The following MYH15 variants were observed in gnomAD, a reference collection of about 807,000 sequenced individuals.
MYH15 encodes the protein myosin-15.
MYH15 carries 227 observed loss-of-function variants against 240.5 expected under a neutral mutation model. The observed-to-expected ratio is 0.94, with a 90% CI of 0.85 to 1.05. The LOEUF (loss-of-function observed/expected upper bound fraction) is 1.05, where lower values mean the gene tolerates loss of function less well. MYH15 is among the 50% of genes least tolerant of loss of function. MYH15 has a pLI of 0.00. For missense variants in MYH15, 2,217 were observed against 2,247.5 expected (o/e 0.99, Z 0.27); for synonymous variants, 785 against 796.7 (o/e 0.99, Z 0.25).
intron 9 of MYH15, among the ~76,000 whole-genome samples, chr3:108,492,070 A>G (rs1439112783): frequency 1.3e-5 from 2 of 151,980 alleles, no homozygotes; most frequent in African/African-American, 2.4e-5. Context: ...GTGAAACCCC[A>G]TCTCTATTAA....
upstream of MYH15, among the ~76,000 whole-genome samples, chr3:108,515,159 C>G (rs1312236079): frequency 6.6e-6 from 1 of 152,160 alleles, no homozygotes; most frequent in Non-Finnish European, 1.5e-5. Context: ...AACCAGGCTT[C>G]AGTATCTGAT....
At chr3:108,507,600 C>T (rs1467586686) in intron 1 of MYH15, among the ~76,000 whole-genome samples, 1 of 152,132 alleles carries the variant, frequency 6.6e-6, no homozygotes. Flanking sequence ...TTTGCCCCTT[C>T]TTCCACCATG....
At chr3:108,436,258 G>T (rs1445840668) in intron 25 of MYH15, among the ~76,000 whole-genome samples, 1 of 152,072 alleles carries the variant, frequency 6.6e-6, no homozygotes, top group Non-Finnish European at 1.5e-5. Context: ...ACACTTTGCT[G>T]GTTATCATTT....
chr3:108,508,222 G>T (rs2083493316), intron 1 of MYH15, among the ~76,000 whole-genome samples: 1 of 152,144 alleles, frequency 6.6e-6, no homozygotes, highest in African/African-American at 2.4e-5. Context: ...CCTGCCTCAT[G>T]ATGAAGTCTC....
intron 9 of MYH15, among the ~76,000 whole-genome samples, chr3:108,486,884 T>C (rs1400647331): frequency 6.6e-6 from 1 of 152,214 alleles, no homozygotes; most frequent in Non-Finnish European, 1.5e-5. Flanking sequence ...GGCCTAGATT[T>C]ATGACTGAGG....
Position 108,470,075 on chromosome 3 carries a change from C to T in MYH15, c.1521G>A (p.Leu507=). The stretch of plus-strand genomic sequence containing the variant: ...TGAGATCTATGCAAGCTTGCAAATC[C>T]AGACCAAAGCCAATAGACACCCATT... ...SIEWVSIGFG[L]DLQACIDLIE... The change falls in exon 14 of 41, where the codon CTG becomes CTA. Residue 507 remains leucine, a synonymous_variant. Coordinates refer to ENST00000693548, the MANE Select transcript of MYH15 (RefSeq NM_014981.3). The T allele has an allele frequency of 6.2e-7, 1 of 1,608,268 alleles. No homozygotes were observed. The highest frequency in any genetic ancestry group is 8.5e-7 in the Non-Finnish European group (1 of 1,178,068).
In MYH15 at chr3:108,494,052, T is replaced by C. The variant is rs189696315; in HGVS notation, c.712-875A>G. Among the ~76,000 whole-genome samples, 210 of 152,278 alleles carry C rather than the reference T, an allele frequency of 1.4e-3. 1 individual carries two copies. Among genetic ancestry groups the C allele is most frequent in the Middle Eastern group, 0.014 (4 of 294 alleles). ...CAGCTGAGGAGGTGGCACCATCTGG[T>C]GGCAGCTAGAGCCTGTGGGATCAGG... On this transcript the variant is annotated intron_variant, in intron 7 of 40. Transcript: ENST00000693548.
chr3:108,512,787 C>A (rs1253073043), upstream of MYH15, among the ~76,000 whole-genome samples: 1 of 152,112 alleles, frequency 6.6e-6, no homozygotes, highest in Non-Finnish European at 1.5e-5. Context: ...CCTTCCAAGT[C>A]TGGAGCATTT....
intron 31 of MYH15, among the ~76,000 whole-genome samples, chr3:108,408,610 A>C (rs933768505): frequency 1.3e-5 from 2 of 152,194 alleles, no homozygotes; most frequent in African/African-American, 2.4e-5. Context: ...AAAATTGAAA[A>C]TTGTCTACAA....
intron 1 of MYH15, among the ~76,000 whole-genome samples, chr3:108,517,184 T>C (rs114583301): frequency 2.2e-4 from 34 of 152,338 alleles, no homozygotes; most frequent in Non-Finnish European, 3.4e-4. Flanking sequence ...TTTTGCTCCC[T>C]CTTTTCACTA....
At chr3:108,535,809 GACAAA>G in the MYH15 span, among the ~76,000 whole-genome samples, 3 of 152,122 alleles carry the variant, frequency 2.0e-5, no homozygotes, top group Non-Finnish European at 4.4e-5. Flanking sequence ...CCCCCCAAAA[GACAAA>G]ACAAACAAAA....
rs372218284 is a variant in MYH15 at position 108,416,918 on chromosome 3, C to A, written c.3842G>T (p.Arg1281Leu). The change falls in exon 29 of 41, where the codon CGG becomes CTG. Residue 1281 changes from arginine to leucine, a missense_variant. Coordinates refer to ENST00000693548, the MANE Select transcript of MYH15 (RefSeq NM_014981.3). ...KLWSESGEFL[R>L]RLEEKEALIN... is the part of the protein sequence containing the mutation. ...CAGAGCCTCCTTCTCTTCAAGCCTC[C>A]GTAGGAACTCGCCTACAGAAAGATT... 2 of 1,611,796 alleles carry A rather than the reference C, an allele frequency of 1.2e-6. No individual in the cohort carries two copies. The highest frequency in any genetic ancestry group is 2.2e-5 in the South Asian group (2 of 90,942).
intron 28 of MYH15, among the ~76,000 whole-genome samples, chr3:108,419,048 G>C (rs115025565): frequency 1.3e-5 from 2 of 152,028 alleles, no homozygotes; most frequent in South Asian, 2.1e-4. Flanking sequence ...CCACTCTGCT[G>C]GTCCAAAAAC....
intron 31 of MYH15, 36 bp downstream of exon 31, chr3:108,410,547 C>A (rs761041956): frequency 2.0e-6 from 3 of 1,468,222 alleles, no homozygotes; most frequent in South Asian, 2.8e-5. Context: ...CTGAGCTACC[C>A]GCTCTGGCTT....
chr3:108,497,093 G>A (rs757533286), intron 6 of MYH15, among the ~76,000 whole-genome samples: 11 of 148,444 alleles, frequency 7.4e-5, no homozygotes, highest in South Asian at 6.4e-4. Flanking sequence ...CCCAGGAGGC[G>A]GAGGTTGCAG....
chr3:108,437,183 C>CA (rs1475176845), intron 25 of MYH15, among the ~76,000 whole-genome samples: 1 of 103,540 alleles, frequency 9.7e-6, no homozygotes, highest in African/African-American at 3.5e-5. Flanking sequence ...ACATCAGGAT[C>CA]AATTTTTTTT....
chr3:108,395,203 G>A (rs4588370), intron 35 of MYH15, among the ~76,000 whole-genome samples: 108,797 of 151,562 alleles, frequency 0.72, 39,417 homozygotes, highest in Middle Eastern at 0.78. Flanking sequence ...TGGGAGGCGG[G>A]GGTTGCAGTG....
intron 14 of MYH15, among the ~76,000 whole-genome samples, chr3:108,469,468 G>A (rs1268923065): frequency 6.6e-6 from 1 of 152,128 alleles, no homozygotes; most frequent in African/African-American, 2.4e-5. Context: ...TCAGAGTATT[G>A]GGACATCACC....
the MYH15 span, among the ~76,000 whole-genome samples, chr3:108,537,687 C>T: frequency 9.2e-5 from 14 of 152,136 alleles, no homozygotes; most frequent in Admixed American, 3.3e-4. Flanking sequence ...CAAATTACCT[C>T]GTCTGTTTTG....
Sources: allele counts gnomAD v4.1 joint callset (sites outside exome capture counted in the v4.1 genomes callset), GRCh38; gene constraint gnomAD v4.1.1; transcripts MANE v1.5; gene names NCBI Gene and HGNC (gene_info 2026-07-23, HGNC 2026-07-21).